Variants in BTBD7 observed in about 807,000 individuals in gnomAD.
BTBD7 encodes the protein BTB domain containing 7.
Under a neutral mutation model 99.9 loss-of-function variants are expected in BTBD7, and 38 were observed. The ratio of observed to expected loss-of-function variants is 0.38; its 90% CI spans 0.29 to 0.50. The LOEUF (loss-of-function observed/expected upper bound fraction) is 0.50, where lower values mean the gene tolerates loss of function less well. Among genes scored for constraint, BTBD7 ranks in the 20% least tolerant of loss-of-function variants. The pLI, the probability that BTBD7 is intolerant of heterozygous loss-of-function variation, is 0.93. For synonymous variants in BTBD7, 520 were observed against 511.4 expected (o/e 1.02, Z -0.23); for missense variants, 1,170 against 1,394.6 (o/e 0.84, Z 2.57).
At chr14:93,316,602 A>T (rs1189887255) in intron 1 of BTBD7, among the ~76,000 whole-genome samples, 1 of 152,148 alleles carries the variant, frequency 6.6e-6, no homozygotes, top group African/African-American at 2.4e-5. Context: ...TATAAGGTAA[A>T]CTATATAAGG....
rs1481064579 is a variant in BTBD7, at chr14:93,240,851, G to A, written c.*1422C>T. ...CCAGCGTCCCAGTGGAGTTCAAGTA[G>A]GACATGTAGTGTTTAACTGAAAACA... On this transcript the variant is annotated 3_prime_UTR_variant, in exon 11 of 11. Coordinates refer to ENST00000334746, the MANE Select transcript of BTBD7 (RefSeq NM_001002860.4). The A allele has an allele frequency of 6.6e-5, 10 of 152,598 alleles. No homozygotes were observed. In the East Asian group the frequency reaches 1.9e-3, roughly 29 times the overall value. The allele number at this position is 152,598 out of a possible 1,614,324, so 9.5% of individuals were successfully genotyped here. A position where few individuals can be genotyped will look rare whatever the true frequency, so the allele number is the denominator to read the frequency against.
intron 4 of BTBD7, among the ~76,000 whole-genome samples, chr14:93,262,783 T>G (rs935692672): frequency 9.0e-6 from 1 of 110,540 alleles, no homozygotes; most frequent in Non-Finnish European, 1.6e-5. Context: ...CTGCTCTCTG[T>G]TTTTTTTTTT....
chr14:93,316,634 C>T (rs1448436432), intron 1 of BTBD7, among the ~76,000 whole-genome samples: 2 of 152,164 alleles, frequency 1.3e-5, no homozygotes, highest in Non-Finnish European at 2.9e-5. Flanking sequence ...CTTTTATTCA[C>T]TGTTGTATCT....
intron 1 of BTBD7, among the ~76,000 whole-genome samples, chr14:93,297,266 T>A (rs1453282850): frequency 6.6e-6 from 1 of 152,250 alleles, no homozygotes; most frequent in African/African-American, 2.4e-5. Flanking sequence ...AATTCATGTT[T>A]AAAAATATCG....
chr14:93,328,066 C>CT (rs1254380734), intron 1 of BTBD7, among the ~76,000 whole-genome samples: 1 of 152,018 alleles, frequency 6.6e-6, no homozygotes, highest in African/African-American at 2.4e-5. Context: ...TAAACTTAGA[C>CT]AAGGAGACAA....
intron 1 of BTBD7, among the ~76,000 whole-genome samples, chr14:93,331,641 A>C (rs758494209): frequency 6.6e-6 from 1 of 152,282 alleles, no homozygotes. Flanking sequence ...AGTAGTTCGG[A>C]AGGACGAGGC....
In BTBD7 at chr14:93,319,685, C is replaced by T. The variant is rs8016286; in HGVS notation, c.-107+13135G>A. On this transcript the variant is annotated intron_variant, in intron 1 of 10. Coordinates refer to ENST00000334746, the MANE Select transcript of BTBD7 (RefSeq NM_001002860.4). The stretch of plus-strand genomic sequence containing the variant: ...GCAGACTTATTAATCAACGGGCATA[C>T]AGTTTCAGTTAAGCAAAATGAGTAA... Among the ~76,000 whole-genome samples the T allele has an allele frequency of 2.3e-3, 353 of 152,244 alleles. 1 individual carries two copies. The highest frequency in any genetic ancestry group is 8.2e-3 in the African/African-American group (340 of 41,534).
intron 3 of BTBD7, among the ~76,000 whole-genome samples, chr14:93,277,996 C>T (rs2052675687): frequency 6.6e-6 from 1 of 152,218 alleles, no homozygotes. Context: ...TAGTCATTTA[C>T]ACCTGTATTT....
In BTBD7 at chr14:93,242,648, T is replaced by A; in HGVS notation, c.3024A>T (p.Glu1008Asp). 1 of 1,613,696 alleles carries A rather than the reference T, an allele frequency of 6.2e-7. No individual in the cohort carries two copies. Among genetic ancestry groups the A allele is most frequent in the South Asian group, 1.1e-5 (1 of 91,072 alleles). Residue 1008 changes from glutamate to aspartate, a missense_variant, in exon 11 of 11, where the codon GAA (glutamate) becomes GAT (aspartate). Physicochemically the swap from Glu to Asp is conservative, Grantham distance 45. Transcript: ENST00000334746. ...SPKKQEEARR[E>D]YPLSPDGHLH... ...GATGCCCGTCAGGGGAAAGTGGATA[T>A]TCTCTCCTAGCTTCTTCCTGTTTTT...
chr14:93,288,618 C>T (rs1403051586), intron 3 of BTBD7: 1 of 1,100,420 alleles, frequency 9.1e-7, no homozygotes, highest in African/African-American at 1.5e-5. Flanking sequence ...TCCAGTTATC[C>T]TTGGATGGGT....
intron 3 of BTBD7, among the ~76,000 whole-genome samples, chr14:93,292,801 C>A (rs1484812463): frequency 1.3e-5 from 2 of 152,160 alleles, no homozygotes; most frequent in Non-Finnish European, 2.9e-5. Flanking sequence ...GAACTACAAC[C>A]ACACACCACT....
Position 93,274,858 on chromosome 14 carries a change from G to A in BTBD7, c.1163-10865C>T, listed in dbSNP as rs370622401. ...CACTCTAGATTTTGGTCAAACTAAT[G>A]GGTCATTCAGCCCTGGATTCCAGGT... On this transcript the variant is annotated intron_variant, in intron 3 of 10. Transcript: ENST00000334746. Among the ~76,000 whole-genome samples, 9 of 152,254 alleles carry A rather than the reference G, an allele frequency of 5.9e-5. No homozygotes were observed. In the South Asian group the frequency reaches 1.9e-3, roughly 32 times the overall value.
chr14:93,273,929 G>C (rs750179255), intron 3 of BTBD7, among the ~76,000 whole-genome samples: 1 of 152,182 alleles, frequency 6.6e-6, no homozygotes, highest in African/African-American at 2.4e-5. Context: ...TGTTGGATGA[G>C]GTGCAAGGTC....
At chr14:93,253,038 A>G (rs2052386584) in intron 7 of BTBD7, among the ~76,000 whole-genome samples, 1 of 152,318 alleles carries the variant, frequency 6.6e-6, no homozygotes, top group South Asian at 2.1e-4. Flanking sequence ...CATGTTGCCC[A>G]GGATGGACCC....
At chr14:93,263,085 T>C (rs992246916) in intron 4 of BTBD7, among the ~76,000 whole-genome samples, 4 of 152,230 alleles carry the variant, frequency 2.6e-5, no homozygotes, top group Non-Finnish European at 5.9e-5. Context: ...AAATAGGAAG[T>C]GGTTCAATGG....
chr14:93,245,444 A>T (rs2139674917), intron 10 of BTBD7, among the ~76,000 whole-genome samples: 1 of 152,356 alleles, frequency 6.6e-6, no homozygotes, highest in South Asian at 2.1e-4. Flanking sequence ...CGATTAAAGC[A>T]TGTGGTAGAA....
chr14:93,268,801 C>A (rs1032774177), intron 3 of BTBD7, among the ~76,000 whole-genome samples: 1 of 149,690 alleles, frequency 6.7e-6, no homozygotes, highest in Non-Finnish European at 1.5e-5. Flanking sequence ...CTCAGCCGCC[C>A]AGGCTGGAGT....
chr14:93,314,401 T>C (rs1481546650), intron 1 of BTBD7, among the ~76,000 whole-genome samples: 4 of 152,240 alleles, frequency 2.6e-5, no homozygotes, highest in Non-Finnish European at 5.9e-5. Context: ...CATATGTATA[T>C]CAAAATTTAA....
chr14:93,244,819 T>C (rs1249461030), intron 10 of BTBD7, among the ~76,000 whole-genome samples: 1 of 151,854 alleles, frequency 6.6e-6, no homozygotes, highest in African/African-American at 2.4e-5. Flanking sequence ...ACTGATAGCA[T>C]GTGACTGAGT....
Sources: allele counts gnomAD v4.1 joint callset (sites outside exome capture counted in the v4.1 genomes callset), GRCh38; gene constraint gnomAD v4.1.1; transcripts MANE v1.5; gene names NCBI Gene and HGNC (gene_info 2026-07-23, HGNC 2026-07-21).